Variants in ADCY9 observed in about 807,000 individuals in gnomAD.
ADCY9 encodes the protein adenylate cyclase type 9.
In ADCY9, 50 loss-of-function variants were observed where a neutral mutation model predicts 101.5. That is an observed-to-expected ratio of 0.49 (90% CI 0.39 to 0.62). ADCY9 has a LOEUF of 0.62. Among genes scored for constraint, ADCY9 ranks in the 20% least tolerant of loss-of-function variants. ADCY9 has a pLI of 0.00. For missense variants in ADCY9, 1,662 were observed against 1,800.4 expected (o/e 0.92, Z 1.39); for synonymous variants, 905 against 769.3 (o/e 1.18, Z -2.92).
chr16:3,995,506 C>CTTA (rs927636647), intron 3 of ADCY9, among the ~76,000 whole-genome samples: 4 of 151,990 alleles, frequency 2.6e-5, no homozygotes, highest in East Asian at 1.9e-4. Flanking sequence ...CCGTAATAAA[C>CTTA]TTATTATTAT....
chr16:3,959,929 G>A (rs1287364175), downstream of ADCY9, among the ~76,000 whole-genome samples: 1 of 152,188 alleles, frequency 6.6e-6, no homozygotes, highest in African/African-American at 2.4e-5. Flanking sequence ...AGGAGGCTGA[G>A]GCAGGAGAAT....
chr16:4,079,485 C>G (rs1642213047), intron 2 of ADCY9, among the ~76,000 whole-genome samples: 1 of 152,168 alleles, frequency 6.6e-6, no homozygotes. Flanking sequence ...AGGAGAATCT[C>G]TTGAACCCGG....
intron 2 of ADCY9, among the ~76,000 whole-genome samples, chr16:4,104,277 A>C (rs111276420): frequency 0.019 from 2,943 of 152,354 alleles, 43 homozygotes; most frequent in Non-Finnish European, 0.028. Flanking sequence ...ACTGACGTCA[A>C]CATGTGGAAG....
chr16:3,974,696 G>A lies in ADCY9; in HGVS notation c.2843C>T (p.Ser948Leu), dbSNP rs779084996. 9 of 1,612,672 alleles carry A rather than the reference G, an allele frequency of 5.6e-6. No homozygotes were observed. The highest frequency in any genetic ancestry group is 1.6e-4 in the Middle Eastern group (1 of 6,078). ...SLCPDSSVLT[S>L]PLDAVQNFSS... ...GAAATTCTGTACTGCGTCAAGGGGC[G>A]AAGTTAATACAGAACTGAAATTAAA... Residue 948 changes from serine (S) to leucine (L), a missense_variant, in exon 10 of 11, where the codon TCG becomes TTG. Coordinates refer to ENST00000294016, the MANE Select transcript of ADCY9 (RefSeq NM_001116.4).
intron 2 of ADCY9, among the ~76,000 whole-genome samples, chr16:4,009,448 G>C (rs1271077461): frequency 1.3e-5 from 2 of 152,028 alleles, no homozygotes; most frequent in African/African-American, 4.8e-5. Context: ...TTGAGATGGG[G>C]GTCTCACTGT....
intron 2 of ADCY9, among the ~76,000 whole-genome samples, chr16:4,016,160 G>GAGAGA (rs2056437406): frequency 6.6e-6 from 1 of 152,168 alleles, no homozygotes; most frequent in African/African-American, 2.4e-5. Context: ...CCCACAAGAA[G>GAGAGA]AGAGTCATAT....
At chr16:4,071,054 G>A (rs1474791601) in intron 2 of ADCY9, among the ~76,000 whole-genome samples, 2 of 151,968 alleles carry the variant, frequency 1.3e-5, no homozygotes, top group East Asian at 1.9e-4. Context: ...TAGTAGCCAG[G>A]CGTGGTGGCT....
At chr16:4,112,008 T>C (rs2057116897) in intron 2 of ADCY9, among the ~76,000 whole-genome samples, 1 of 152,214 alleles carries the variant, frequency 6.6e-6, no homozygotes, top group African/African-American at 2.4e-5. Context: ...TAATACAGCA[T>C]ACAAAGTACA....
intron 2 of ADCY9, among the ~76,000 whole-genome samples, chr16:4,097,545 ATATATATATTTTTTTTT>A (rs1421141711): frequency 3.7e-5 from 2 of 53,340 alleles, no homozygotes; most frequent in African/African-American, 1.7e-4. Flanking sequence ...ATATATATAT[ATATATATATTTTTTTTT>A]TTTTTTTTTA....
intron 2 of ADCY9, among the ~76,000 whole-genome samples, chr16:4,012,923 C>G (rs2056413496): frequency 6.6e-6 from 1 of 152,020 alleles, no homozygotes; most frequent in Non-Finnish European, 1.5e-5. Flanking sequence ...TACCCTCAGC[C>G]ACCAAGAATC....
chr16:4,113,801 C>T lies in ADCY9; in HGVS notation c.1642G>A (p.Gly548Arg), dbSNP rs772631736. Residue 548 changes from glycine to arginine, a missense_variant, in exon 2 of 11, where the codon GGG becomes AGG. Around this residue, in one of 5 missense-constraint regions of ADCY9, gnomAD observed 624 missense variants for 639.1 expected, o/e 0.98. Coordinates refer to ENST00000294016, the MANE Select transcript of ADCY9 (RefSeq NM_001116.4). ...YLDDRYEMED[G>R]KVIERLGQSV... The stretch of plus-strand genomic sequence containing the variant: ...TGGCCCAGCCGTTCAATAACTTTCC[C>T]ATCTTCCATTTCGTACCGGTCATCT... 1 of 1,614,094 alleles carries T rather than the reference C, an allele frequency of 6.2e-7. No homozygotes were observed. The highest frequency in any genetic ancestry group is 1.7e-4 in the Middle Eastern group (1 of 6,058).
chr16:4,044,140 A>C (rs924110572), intron 2 of ADCY9, among the ~76,000 whole-genome samples: 1 of 152,158 alleles, frequency 6.6e-6, no homozygotes, highest in African/African-American at 2.4e-5. Context: ...TGAGATCAGG[A>C]GTTCGACACC....
At chr16:4,107,234 G>C (rs185027213) in intron 2 of ADCY9, among the ~76,000 whole-genome samples, 1 of 152,086 alleles carries the variant, frequency 6.6e-6, no homozygotes, top group Non-Finnish European at 1.5e-5. Flanking sequence ...GTATTTCCAC[G>C]TGCATAACAG....
chr16:4,056,505 C>T (rs1416088217), intron 2 of ADCY9, among the ~76,000 whole-genome samples: 2 of 152,308 alleles, frequency 1.3e-5, no homozygotes, highest in African/African-American at 2.4e-5. Flanking sequence ...CCACCCACCT[C>T]GGCCTCCCAG....
chr16:3,985,780 C>G (rs1421702155), intron 6 of ADCY9, among the ~76,000 whole-genome samples: 3 of 152,116 alleles, frequency 2.0e-5, no homozygotes, highest in African/African-American at 4.8e-5. Flanking sequence ...CCCTTGCAGT[C>G]TCTCCTGCCT....
rs114938902 is a variant in ADCY9, at chr16:4,028,659, T to A, written c.1694-21101A>T. 3.7e-3 allele frequency among the ~76,000 whole-genome samples: 565 copies of A among 152,328 alleles called. 3 individuals are homozygous for A. The highest frequency in any genetic ancestry group is 0.013 in the African/African-American group (546 of 41,578). On this transcript the variant is annotated intron_variant, in intron 2 of 10. Coordinates refer to ENST00000294016, the MANE Select transcript of ADCY9 (RefSeq NM_001116.4). ...ATGATGGAAATGTTCTAAAACCAGA[T>A]GATACCCTAAATTTTCTAAAAATAA...
At position 3,963,218 on chromosome 16, in the gene ADCY9, T is replaced by C. The variant is rs2055954667; in HGVS notation, c.*2557A>G. 2.6e-6 allele frequency: 1 copy of C among 379,762 alleles called. No individual in the cohort carries two copies. Among genetic ancestry groups the C allele is most frequent in the Admixed American group, 4.6e-5 (1 of 21,722 alleles). 23.5% of individuals were successfully genotyped at this position (379,762 alleles called of 1,614,324 possible). A position where few individuals can be genotyped will look rare whatever the true frequency, so the allele number is the denominator to read the frequency against. ...AACTCAAAGCAACTATTTACACACA[T>C]TCAATGCTGAAGTATTGCTTCCTGC... On this transcript the variant is annotated 3_prime_UTR_variant, in exon 11 of 11. Transcript: ENST00000294016.
intron 2 of ADCY9, among the ~76,000 whole-genome samples, chr16:4,017,552 G>C (rs1456237617): frequency 6.6e-6 from 1 of 151,230 alleles, no homozygotes; most frequent in African/African-American, 2.4e-5. Context: ...GCTGAGGCAG[G>C]AGGATCACTT....
intron 6 of ADCY9, among the ~76,000 whole-genome samples, chr16:3,984,466 C>T (rs1448113190): frequency 6.6e-6 from 1 of 152,142 alleles, no homozygotes; most frequent in Non-Finnish European, 1.5e-5. Flanking sequence ...CCAGGCCCTG[C>T]AAGGCTCTGG....
Sources: allele counts gnomAD v4.1 joint callset (sites outside exome capture counted in the v4.1 genomes callset), GRCh38; gene constraint gnomAD v4.1.1; regional missense constraint gnomAD v4.1.1; transcripts MANE v1.5; gene names NCBI Gene and HGNC (gene_info 2026-07-23, HGNC 2026-07-21).